TDRD15: variants seen among roughly 807,000 people sequenced by gnomAD.
The protein encoded by TDRD15 is tudor domain containing 15.
For synonymous variants in TDRD15, 503 were observed against 314.5 expected, an observed-to-expected ratio of 1.60 and a Z score of -6.34; for missense variants, 1,416 against 904.7, an observed-to-expected ratio of 1.57 and a Z score of -7.25.
chr2:21,133,643 C>A (rs1010115489), intron 2 of TDRD15, among the ~76,000 whole-genome samples: 1 of 151,964 alleles, frequency 6.6e-6, no homozygotes, highest in African/African-American at 2.4e-5. Flanking sequence ...GTACTAAAAC[C>A]TTTAAAAAAT....
intron 3 of TDRD15, among the ~76,000 whole-genome samples, chr2:21,135,391 T>C (rs1026944188): frequency 6.6e-6 from 1 of 151,812 alleles, no homozygotes; most frequent in Admixed American, 6.6e-5. Flanking sequence ...GGATAGGTTA[T>C]GTTGTCTACC....
At chr2:21,128,087 ATAT>A (rs1268464615) in intron 2 of TDRD15, among the ~76,000 whole-genome samples, 5 of 152,176 alleles carry the variant, frequency 3.3e-5, no homozygotes, top group African/African-American at 4.8e-5. Context: ...CATGACAAAA[ATAT>A]TATAAGAATT....
chr2:21,147,210 T>C (rs1487540666), downstream of TDRD15, among the ~76,000 whole-genome samples: 1 of 151,892 alleles, frequency 6.6e-6, no homozygotes, highest in African/African-American at 2.4e-5. Context: ...CTGAACTATA[T>C]TTAAGGTGAA....
intron 3 of TDRD15, among the ~76,000 whole-genome samples, chr2:21,137,031 T>C (rs1364020392): frequency 6.6e-6 from 1 of 151,924 alleles, no homozygotes; most frequent in East Asian, 1.9e-4. Context: ...ACTCAACTCT[T>C]TGAGTTATAG....
At chr2:21,144,565 A>T (rs901493471), downstream of TDRD15, among the ~76,000 whole-genome samples, 1 of 151,866 alleles carries the variant, frequency 6.6e-6, no homozygotes, top group Non-Finnish European at 1.5e-5. Context: ...AGTAGTGGTT[A>T]TGGTAGCGAT....
At chr2:21,147,225 C>A (rs1339219577), downstream of TDRD15, among the ~76,000 whole-genome samples, 1 of 151,806 alleles carries the variant, frequency 6.6e-6, no homozygotes, top group Non-Finnish European at 1.5e-5. Flanking sequence ...GGTGAATACA[C>A]ACAGATGTAT....
At chr2:21,146,113 C>T (rs933317561), downstream of TDRD15, among the ~76,000 whole-genome samples, 4 of 151,920 alleles carry the variant, frequency 2.6e-5, no homozygotes, top group African/African-American at 9.7e-5. Flanking sequence ...GGATAACTTC[C>T]TGAATTATTT....
intron 1 of TDRD15, among the ~76,000 whole-genome samples, chr2:21,126,729 G>C (rs948635924): frequency 6.6e-6 from 1 of 152,114 alleles, no homozygotes; most frequent in Non-Finnish European, 1.5e-5. Flanking sequence ...ACAAACATTT[G>C]GGTTGTTTTG....
At chr2:21,127,302 T>C (rs1249461181) in intron 1 of TDRD15, among the ~76,000 whole-genome samples, 1 of 152,198 alleles carries the variant, frequency 6.6e-6, no homozygotes, top group Admixed American at 6.5e-5. Flanking sequence ...GCAAAATATT[T>C]TAATTTTGAT....
chr2:21,142,416 A>G lies in TDRD15; in HGVS notation c.4949A>G (p.Asn1650Ser), dbSNP rs1665953852. ...TGGATTTGGTTTGAAAATTCTAAGA[A>G]CATATCATTTGAGTGCTTATTTGCT... ...CKWIWFENSK[N>S]ISFECLFADL... Residue 1650 changes from asparagine (N) to serine (S), a missense_variant, in exon 4 of 4, where the codon AAC becomes AGC. Transcript: ENST00000405799. 4 of 709,396 alleles carry G rather than the reference A, an allele frequency of 5.6e-6. No homozygotes were observed. The highest frequency in any genetic ancestry group is 2.1e-5 in the Admixed American group (1 of 48,736). The allele number at this position is 709,396 out of a possible 1,614,324, so 43.9% of individuals were successfully genotyped here. A position where few individuals can be genotyped will look rare whatever the true frequency, so the allele number is the denominator to read the frequency against.
At position 21,138,676 on chromosome 2, in the gene TDRD15, T is replaced by G. The variant is rs1380146298; in HGVS notation, c.1209T>G (p.Thr403=). 1 of 715,718 alleles carries G rather than the reference T, an allele frequency of 1.4e-6. No homozygotes were observed. The highest frequency in any genetic ancestry group is 2.0e-5 in the Admixed American group (1 of 49,864). The allele number at this position is 715,718 out of a possible 1,614,324, so 44.3% of individuals were successfully genotyped here. A position where few individuals can be genotyped will look rare whatever the true frequency, so the allele number is the denominator to read the frequency against. ...DECLYYVTLQ[T]QESTVNSKCL... ...GTTTGTATTATGTGACATTACAAAC[T>G]CAAGAGTCTACAGTTAATTCTAAGT... The change falls in exon 4 of 4, where the codon ACT becomes ACG. Residue 403 remains threonine, a synonymous_variant. Transcript: ENST00000405799.
chr2:21,141,552 C>A lies in TDRD15; in HGVS notation c.4085C>A (p.Ala1362Glu), dbSNP rs1418415907. 1.4e-6 allele frequency: 1 copy of A among 714,742 alleles called. No homozygotes were observed. The highest frequency in any genetic ancestry group is 1.5e-5 in the South Asian group (1 of 67,364). The allele number at this position is 714,742 out of a possible 1,614,324, so 44.3% of individuals were successfully genotyped here. The change falls in exon 4 of 4, where the codon GCA becomes GAA. Residue 1362 changes from alanine (A) to glutamate (E), a missense_variant. Coordinates refer to ENST00000405799, the MANE Select transcript of TDRD15 (RefSeq NM_001306137.2). ...TCTGGTGACAATGCCATTTACAGGGCAGTTATTAAGAAAATTTTGCCAGGA... is the reference window on the plus strand; with the variant it reads ...TCTGGTGACAATGCCATTTACAGGGAAGTTATTAAGAAAATTTTGCCAGGA... ...EYSGDNAIYR[A>E]VIKKILPGNS...
Position 21,137,998 on chromosome 2 carries a change from C to T in TDRD15, c.531C>T (p.Leu177=), listed in dbSNP as rs762699392. 1.4e-5 allele frequency: 10 copies of T among 716,568 alleles called. No homozygotes were observed. Among genetic ancestry groups the T allele is most frequent in the Non-Finnish European group, 2.1e-5 (8 of 384,510 alleles). The allele number at this position is 716,568 out of a possible 1,614,324, so 44.4% of individuals were successfully genotyped here. The change falls in exon 4 of 4, where the codon CTC becomes CTT. Residue 177 remains leucine, a synonymous_variant. Coordinates refer to ENST00000405799, the MANE Select transcript of TDRD15 (RefSeq NM_001306137.2). ...FEVPKIISQA[L]ELQLGRLVDG... ...TGCCAAAAATTATATCTCAGGCTCT[C>T]GAGTTACAATTAGGAAGACTTGTTG...
intron 3 of TDRD15, 84 bp from the exon 4 acceptor site, chr2:21,137,375 ATTATTT>A (rs1401412411): frequency 1.9e-6 from 1 of 516,250 alleles, no homozygotes; most frequent in Admixed American, 3.7e-5. Context: ...CAGGCATATA[ATTATTT>A]TTAGTTTTAT....
rs1388733793 is a variant in TDRD15, at chr2:21,141,652, G to T, written c.4185G>T (p.Gln1395His). The part of the protein sequence containing the change: ...IVNTSKIYEL[Q>H]REFLTVPQLG... ...ACACATCTAAAATTTACGAACTTCA[G>T]AGGGAATTTTTAACTGTTCCTCAGC... is the stretch of plus-strand genomic sequence containing the variant. The change falls in exon 4 of 4, where the codon CAG (glutamine) becomes CAT (histidine). Residue 1395 changes from glutamine (Q) to histidine (H), a missense_variant. Gln to His is a conservative substitution (Grantham distance 24). Transcript: ENST00000405799. The T allele has an allele frequency of 1.4e-6, 1 of 714,910 alleles. No homozygotes were observed. The highest frequency in any genetic ancestry group is 2.0e-5 in the Admixed American group (1 of 49,824). The allele number at this position is 714,910 out of a possible 1,614,324, so 44.3% of individuals were successfully genotyped here.
intron 3 of TDRD15, among the ~76,000 whole-genome samples, chr2:21,135,314 ACTTT>A (rs1349379711): frequency 6.6e-6 from 1 of 151,574 alleles, no homozygotes; most frequent in African/African-American, 2.4e-5. Context: ...GACACTGGGA[ACTTT>A]CTTCATGACC....
Position 21,127,145 on chromosome 2 carries a change from C to T in TDRD15, c.-200-456C>T, listed in dbSNP as rs544280232. Among the ~76,000 whole-genome samples, 21 of 152,074 alleles carry T rather than the reference C, an allele frequency of 1.4e-4. No homozygotes were observed. The South Asian group carries it at 4.4e-3, about 32-fold the overall frequency. ...GGTAAAGTGGCTGCTAAATCTTTTA[C>T]CTATTTTTAAATTGGATTTTTTTTT... On this transcript the variant is annotated intron_variant, in intron 1 of 3. Transcript: ENST00000405799.
intron 3 of TDRD15, among the ~76,000 whole-genome samples, chr2:21,135,752 T>C (rs1665795950): frequency 6.6e-6 from 1 of 152,032 alleles, no homozygotes; most frequent in Non-Finnish European, 1.5e-5. Context: ...CAGCAGTCTA[T>C]TTCTGGATGT....
intron 1 of TDRD15, among the ~76,000 whole-genome samples, chr2:21,125,568 G>A (rs1323315823): frequency 2.6e-5 from 4 of 151,864 alleles, no homozygotes; most frequent in African/African-American, 9.7e-5. Context: ...GTGTGGAGGT[G>A]TTTTTCCGAA....
Sources: allele counts gnomAD v4.1 joint callset (sites outside exome capture counted in the v4.1 genomes callset), GRCh38; gene constraint gnomAD v4.1.1; transcripts MANE v1.5; gene names NCBI Gene and HGNC (gene_info 2026-07-23, HGNC 2026-07-21).